The following ZNF174 variants were observed in gnomAD, a reference collection of about 807,000 sequenced individuals.
The protein encoded by ZNF174 is AW-1.
Under a neutral mutation model 38.7 loss-of-function variants are expected in ZNF174, and 30 were observed. That is an observed-to-expected ratio of 0.78 (90% CI 0.58 to 1.05). The LOEUF is 1.05. Among genes scored for constraint, ZNF174 ranks in the 50% least tolerant of loss-of-function variants. ZNF174 has a pLI of 0.00. For missense variants in ZNF174, 499 were observed against 495.6 expected (o/e 1.01, Z -0.06); for synonymous variants, 201 against 181.7 (o/e 1.11, Z -0.86).
In ZNF174 at chr16:3,408,624, GT is replaced by G; in HGVS notation, c.932del (p.Leu311CysfsTer31). The G allele has an allele frequency of 1.2e-6, 2 of 1,614,144 alleles. No individual in the cohort carries two copies. The highest frequency in any genetic ancestry group is 1.7e-6 in the Non-Finnish European group (2 of 1,180,022). The part of the protein sequence containing the change: ...SKGGKRSLSN[R>X]LQHLGHQPTR... ...GGAGGTAAACGGAGTCTGAGCAACC[GT>G]TTGCAACATCTTGGTCACCAGCCCA... On this transcript the variant is annotated frameshift_variant, in exon 3 of 3. Coordinates refer to ENST00000268655, the MANE Select transcript of ZNF174 (RefSeq NM_003450.3). LOFTEE classifies it high-confidence loss of function.
rs2034082841 is a variant in ZNF174 at position 3,408,411 on chromosome 16, C to A, written c.716C>A (p.Ser239Tyr). The A allele has an allele frequency of 6.2e-7, 1 of 1,613,954 alleles. No homozygotes were observed. The highest frequency in any genetic ancestry group is 8.5e-7 in the Non-Finnish European group (1 of 1,180,022). Residue 239 changes from serine to tyrosine, a missense_variant, in exon 3 of 3, where the codon TCC (serine) becomes TAC (tyrosine). Physicochemically the swap from Ser to Tyr is moderately radical, Grantham distance 144 (BLOSUM62 -2). Transcript: ENST00000268655. ...CCATGTGCAGTGTCAGCTGGCAGAT[C>A]CAAAGGGAATGGTCTGCAGAATCCT... ...AKPCAVSAGR[S>Y]KGNGLQNPEP...
At chr16:3,404,328 C>G in intron 1 of ZNF174, 98 bp from the exon 2 acceptor site, 1 of 1,254,102 alleles carries the variant, frequency 8.0e-7, no homozygotes, top group Non-Finnish European at 1.1e-6. Context: ...AGATGGTTAT[C>G]AGCAATTCCC....
At position 3,401,881 on chromosome 16, in the gene ZNF174, C is replaced by A. The variant is rs37810; in HGVS notation, c.-124C>A. 1.9e-4 allele frequency: 235 copies of A among 1,217,546 alleles called. No homozygotes were observed. The African/African-American group carries it at 3.2e-3, about 17-fold the overall frequency. 75.4% of individuals were successfully genotyped at this position (1,217,546 alleles called of 1,614,324 possible). On this transcript the variant is annotated 5_prime_UTR_variant, in exon 1 of 3. Transcript: ENST00000268655. The stretch of plus-strand genomic sequence containing the variant: ...TGAGGCTTTGTCTCTGCATCCCGTT[C>A]CCCCTAACATCCTCAGAGAACCTTC...
At chr16:3,406,534 T>C (rs1223035253) in intron 2 of ZNF174, among the ~76,000 whole-genome samples, 2 of 152,268 alleles carry the variant, frequency 1.3e-5, no homozygotes, top group Admixed American at 6.5e-5. Flanking sequence ...TAGTGACTAA[T>C]GGTGTTGAAC....
chr16:3,407,003 G>A (rs2034065490), intron 2 of ZNF174, among the ~76,000 whole-genome samples: 1 of 152,180 alleles, frequency 6.6e-6, no homozygotes, highest in African/African-American at 2.4e-5. Context: ...CTGATCAGGG[G>A]TCTGTCTTAA....
Position 3,401,924 on chromosome 16 carries a change from AG to A in ZNF174, c.-80del. 1 of 1,508,352 alleles carries A rather than the reference AG, an allele frequency of 6.6e-7. No individual in the cohort carries two copies. The highest frequency in any genetic ancestry group is 9.0e-7 in the Non-Finnish European group (1 of 1,117,312). The allele number at this position is 1,508,352 out of a possible 1,614,324, so 93.4% of individuals were successfully genotyped here. On this transcript the variant is annotated 5_prime_UTR_variant, in exon 1 of 3. Transcript: ENST00000268655. ...GAACCTTCGTTTCTAGAATCTTTCT[AG>A]TATTCAGAGACTTCTCCAGGGTCAT...
intron 2 of ZNF174, among the ~76,000 whole-genome samples, chr16:3,406,440 A>G (rs944050272): frequency 2.0e-5 from 3 of 152,226 alleles, no homozygotes; most frequent in African/African-American, 7.2e-5. Context: ...CGATTTCTCC[A>G]CATTCTTGCT....
rs1039574117 is a variant in ZNF174, at chr16:3,409,024, G to A, written c.*105G>A. The A allele has an allele frequency of 1.7e-5, 21 of 1,211,532 alleles. No individual in the cohort carries two copies. Among genetic ancestry groups the A allele is most frequent in the African/African-American group, 7.6e-5 (5 of 65,822 alleles). 75.0% of individuals were successfully genotyped at this position (1,211,532 alleles called of 1,614,324 possible). A position where few individuals can be genotyped will look rare whatever the true frequency, so the allele number is the denominator to read the frequency against. ...ACTGTGTGACTTACAAGGAAAGCAC[G>A]AGGCCCTTGAGGAATGATGATGCAC... On this transcript the variant is annotated 3_prime_UTR_variant, in exon 3 of 3. Transcript: ENST00000268655.
intron 2 of ZNF174, chr16:3,405,128 G>C: frequency 7.0e-7 from 1 of 1,427,034 alleles, no homozygotes; most frequent in South Asian, 1.5e-5. Flanking sequence ...TTGTGTAACT[G>C]CTGGCCTTGT....
chr16:3,405,912 G>A (rs37815), intron 2 of ZNF174, among the ~76,000 whole-genome samples: 124,951 of 152,170 alleles, frequency 0.82, 51,509 homozygotes, highest in Admixed American at 0.87. Context: ...GGGAGCTGAG[G>A]CAGGAGGATC....
At position 3,409,207 on chromosome 16, in the gene ZNF174, A is replaced by T; in HGVS notation, c.*288A>T. Reference sequence around the variant, plus strand: ...TGAGAGAGAATCAGGACAATCCTGCAGGTGGCCCGCTTACTGTTAAATCGT... The same window carrying T: ...TGAGAGAGAATCAGGACAATCCTGCTGGTGGCCCGCTTACTGTTAAATCGT... On this transcript the variant is annotated 3_prime_UTR_variant, in exon 3 of 3. Coordinates refer to ENST00000268655, the MANE Select transcript of ZNF174 (RefSeq NM_003450.3). 2.6e-6 allele frequency: 1 copy of T among 384,132 alleles called. No homozygotes were observed. The highest frequency in any genetic ancestry group is 4.7e-6 in the Non-Finnish European group (1 of 213,032). The allele number at this position is 384,132 out of a possible 1,614,324, so 23.8% of individuals were successfully genotyped here.
intron 1 of ZNF174, 36 bp from the exon 2 acceptor site, chr16:3,404,390 T>C (rs1373483144): frequency 1.3e-6 from 2 of 1,561,126 alleles, no homozygotes; most frequent in East Asian, 4.5e-5. Context: ...CCCTCAGTCC[T>C]GATGGATGGA....
intron 2 of ZNF174, chr16:3,404,890 A>T: frequency 6.2e-7 from 1 of 1,612,532 alleles, no homozygotes; most frequent in Non-Finnish European, 8.5e-7. Flanking sequence ...GGTTGTACCT[A>T]CTTTTCTGTC....
At chr16:3,402,451 T>TAC in intron 1 of ZNF174, 45 bp downstream of exon 1, 1 of 1,414,404 alleles carries the variant, frequency 7.1e-7, no homozygotes, top group Non-Finnish European at 9.4e-7. Flanking sequence ...TCTTTTTCTT[T>TAC]TCTTTTTTTT....
intron 2 of ZNF174, among the ~76,000 whole-genome samples, chr16:3,407,674 C>T (rs549414938): frequency 2.6e-5 from 4 of 152,338 alleles, no homozygotes; most frequent in African/African-American, 9.6e-5. Flanking sequence ...GGATCCTTCT[C>T]CAGATCCTGT....
Position 3,408,670 on chromosome 16 carries a change from C to T in ZNF174, c.975C>T (p.Pro325=), listed in dbSNP as rs771520522. The part of the protein sequence containing the change: ...GHQPTRSAKK[P]YKCDDCGKSF... Reference sequence around the variant, plus strand: ...AGCCCACCCGCTCAGCAAAGAAACCCTACAAATGTGATGACTGTGGGAAAA... The same window carrying T: ...AGCCCACCCGCTCAGCAAAGAAACCTTACAAATGTGATGACTGTGGGAAAA... The change falls in exon 3 of 3, where the codon CCC becomes CCT. Residue 325 remains proline, a synonymous_variant. Transcript: ENST00000268655. 6.2e-7 allele frequency: 1 copy of T among 1,614,154 alleles called. No homozygotes were observed. Among genetic ancestry groups the T allele is most frequent in the Non-Finnish European group, 8.5e-7 (1 of 1,180,012 alleles).
Position 3,409,170 on chromosome 16 carries a change from A to C in ZNF174, c.*251A>C. On this transcript the variant is annotated 3_prime_UTR_variant, in exon 3 of 3. Coordinates refer to ENST00000268655, the MANE Select transcript of ZNF174 (RefSeq NM_003450.3). ...AGAACTTAAGTCTCTGCAGAGAGCA[A>C]GGAGTAACTACTGAGAGAGAATCAG... The C allele has an allele frequency of 1.4e-5, 7 of 491,216 alleles. No homozygotes were observed. The South Asian group carries it at 1.8e-4, about 13-fold the overall frequency. The allele number at this position is 491,216 out of a possible 1,614,324, so 30.4% of individuals were successfully genotyped here.
At chr16:3,405,579 G>T (rs546054611) in intron 2 of ZNF174, among the ~76,000 whole-genome samples, 2 of 152,228 alleles carry the variant, frequency 1.3e-5, no homozygotes, top group East Asian at 3.9e-4. Flanking sequence ...CCTCCCAAAG[G>T]CCCCATGTCC....
chr16:3,406,936 T>TC (rs1402225667), intron 2 of ZNF174, among the ~76,000 whole-genome samples: 1 of 152,214 alleles, frequency 6.6e-6, no homozygotes, highest in Non-Finnish European at 1.5e-5. Flanking sequence ...GTTTATTTTT[T>TC]CCCCATACAT....
Sources: gnomAD v4.1 joint callset for allele counts (sites outside exome capture counted in the v4.1 genomes callset) on GRCh38, gnomAD v4.1.1 for gene constraint, MANE v1.5 for transcripts, NCBI Gene and HGNC (gene_info 2026-07-23, HGNC 2026-07-21) for gene names.